Variants in SGCG observed in about 807,000 individuals in gnomAD.
SGCG encodes sarcoglycan gamma.
A neutral mutation model predicts 29.3 loss-of-function variants in SGCG; 26 were observed. That is an observed-to-expected ratio of 0.89 (90% CI 0.65 to 1.23). The LOEUF (loss-of-function observed/expected upper bound fraction) is 1.23. Among genes scored for constraint, SGCG ranks in the 50% most tolerant of loss-of-function variants. The pLI, the probability that SGCG is intolerant of heterozygous loss-of-function variation, is 0.00. For missense variants in SGCG, 353 were observed against 356.0 expected (o/e 0.99, Z 0.07); for synonymous variants, 145 against 129.7 (o/e 1.12, Z -0.80).
chr13:23,200,519 C>T lies in SGCG; in HGVS notation c.1-3176C>T, dbSNP rs150942837. Among the ~76,000 whole-genome samples the T allele has an allele frequency of 4.2e-3, 634 of 152,298 alleles. 5 individuals are homozygous for T. The highest frequency in any genetic ancestry group is 0.014 in the African/African-American group (595 of 41,558). ...ATGTTTATTAAGCACATACTACATG[C>T]TGGCTGCTGCTCTAGGGGCCGAGGG... On this transcript the variant is annotated intron_variant, in intron 1 of 7. Transcript: ENST00000218867.
At chr13:23,296,097 T>C (rs1399248085) in intron 6 of SGCG, among the ~76,000 whole-genome samples, 1 of 152,234 alleles carries the variant, frequency 6.6e-6, no homozygotes, top group Non-Finnish European at 1.5e-5. Flanking sequence ...CCTATTATTT[T>C]CTCCTGAAAA....
chr13:23,203,055 G>T (rs61575343), intron 1 of SGCG, among the ~76,000 whole-genome samples: 17,653 of 152,046 alleles, frequency 0.12, 1,137 homozygotes, highest in African/African-American at 0.15. Flanking sequence ...CATCTACTGG[G>T]TTCAAGCGAT....
intron 3 of SGCG, chr13:23,247,071 C>A: frequency 5.9e-6 from 1 of 168,912 alleles, no homozygotes; most frequent in South Asian, 1.6e-4. Flanking sequence ...CCAGTATGCC[C>A]ACCCAGGCCT....
the SGCG span, among the ~76,000 whole-genome samples, chr13:23,163,957 A>G: frequency 1.3e-5 from 2 of 152,132 alleles, no homozygotes; most frequent in South Asian, 2.1e-4. Flanking sequence ...GTTGCCTTGC[A>G]TTTTAAAGGC....
intron 3 of SGCG, 87 bp downstream of exon 3, chr13:23,234,799 T>G: frequency 1.1e-6 from 1 of 925,340 alleles, no homozygotes; most frequent in East Asian, 2.4e-5. Flanking sequence ...TTAGAGAAGA[T>G]TTTTAAAGCG....
intron 4 of SGCG, among the ~76,000 whole-genome samples, chr13:23,262,226 T>TA (rs1487807220): frequency 6.6e-6 from 1 of 151,946 alleles, no homozygotes; most frequent in African/African-American, 2.4e-5. Flanking sequence ...CAAAATGGAT[T>TA]AAAAAATCAC....
chr13:23,308,796 T>C (rs1882447665), intron 6 of SGCG, among the ~76,000 whole-genome samples: 1 of 152,194 alleles, frequency 6.6e-6, no homozygotes, highest in Non-Finnish European at 1.5e-5. Context: ...ACTCCTGACC[T>C]CAAGTGATTC....
intron 6 of SGCG, among the ~76,000 whole-genome samples, chr13:23,308,869 T>C (rs1010343085): frequency 2.6e-5 from 4 of 152,204 alleles, no homozygotes; most frequent in Non-Finnish European, 2.9e-5. Flanking sequence ...TGGACTGTTT[T>C]TCATGTAAAT....
chr13:23,210,142 C>T (rs1481106114), intron 2 of SGCG, among the ~76,000 whole-genome samples: 1 of 152,110 alleles, frequency 6.6e-6, no homozygotes, highest in East Asian at 1.9e-4. Flanking sequence ...CTAATCTAAT[C>T]ATGTATGTTT....
At chr13:23,166,023 C>T in the SGCG span, among the ~76,000 whole-genome samples, 15 of 152,048 alleles carry the variant, frequency 9.9e-5, no homozygotes, top group Non-Finnish European at 2.1e-4. Flanking sequence ...ATCTATGTGC[C>T]TTTTATTTCC....
the SGCG span, among the ~76,000 whole-genome samples, chr13:23,168,777 A>G: frequency 6.6e-6 from 1 of 152,206 alleles, no homozygotes; most frequent in Non-Finnish European, 1.5e-5. Flanking sequence ...TATCTAAATA[A>G]GGCATGATTG....
intron 2 of SGCG, among the ~76,000 whole-genome samples, chr13:23,208,336 T>A (rs977904569): frequency 6.6e-6 from 1 of 152,132 alleles, no homozygotes; most frequent in Non-Finnish European, 1.5e-5. Flanking sequence ...TTGCAACACC[T>A]CATCATACTT....
intron 4 of SGCG, among the ~76,000 whole-genome samples, chr13:23,277,183 A>G (rs1048026611): frequency 6.6e-6 from 1 of 152,192 alleles, no homozygotes; most frequent in Admixed American, 6.5e-5. Context: ...GCCTCCTAGA[A>G]TTGTAAGATG....
At chr13:23,315,437 C>T (rs1882769138) in intron 6 of SGCG, among the ~76,000 whole-genome samples, 2 of 152,200 alleles carry the variant, frequency 1.3e-5, no homozygotes, top group South Asian at 2.1e-4. Context: ...CCCATGGTCT[C>T]CCCTTCTGCC....
chr13:23,187,444 T>A (rs545232849), intron 1 of SGCG, among the ~76,000 whole-genome samples: 1 of 152,306 alleles, frequency 6.6e-6, no homozygotes, highest in East Asian at 1.9e-4. Flanking sequence ...AGGAAGTGGA[T>A]ACACAGGTGC....
chr13:23,260,445 A>G lies in SGCG; in HGVS notation c.385+9728A>G, dbSNP rs9550941. On this transcript the variant is annotated intron_variant, in intron 4 of 7. Coordinates refer to ENST00000218867, the MANE Select transcript of SGCG (RefSeq NM_000231.3). Reference sequence around the variant, plus strand: ...ATTTTGAGCCTGTGTATGTCTCTGCACATGAGATGTGTCTCCTGAATACAG... The same window carrying G: ...ATTTTGAGCCTGTGTATGTCTCTGCGCATGAGATGTGTCTCCTGAATACAG... Among the ~76,000 whole-genome samples the G allele has an allele frequency of 0.022, 3,278 of 152,168 alleles. 224 individuals are homozygous for G. In the East Asian group the frequency reaches 0.24, roughly 11 times the overall value.
intron 6 of SGCG, among the ~76,000 whole-genome samples, chr13:23,314,026 C>T (rs1428590388): frequency 1.3e-5 from 2 of 152,154 alleles, no homozygotes; most frequent in African/African-American, 4.8e-5. Context: ...GAGACTTGGA[C>T]TGGCTCTCCT....
intron 2 of SGCG, among the ~76,000 whole-genome samples, chr13:23,204,702 T>C (rs1371674198): frequency 8.0e-5 from 12 of 149,784 alleles, no homozygotes; most frequent in Non-Finnish European, 1.6e-4. Context: ...TCTTTCTTTC[T>C]TTCCTTTTTT....
At chr13:23,285,352 C>G (rs763265846) in intron 5 of SGCG, among the ~76,000 whole-genome samples, 2 of 152,072 alleles carry the variant, frequency 1.3e-5, no homozygotes, top group Non-Finnish European at 2.9e-5. Context: ...GCAGCTTTGT[C>G]GAGGCTCGGT....
Sources: allele counts gnomAD v4.1 joint callset (sites outside exome capture counted in the v4.1 genomes callset), GRCh38; gene constraint gnomAD v4.1.1; transcripts MANE v1.5; gene names NCBI Gene and HGNC (gene_info 2026-07-23, HGNC 2026-07-21).